DAGLB: variants seen among roughly 807,000 people sequenced by gnomAD.
The protein encoded by DAGLB is diacylglycerol lipase beta, also known as diacylglycerol lipase-beta.
DAGLB carries 66 observed loss-of-function variants against 72.1 expected under a neutral mutation model. The observed-to-expected ratio is 0.92, with a 90% CI of 0.75 to 1.12. The LOEUF (loss-of-function observed/expected upper bound fraction) is 1.12, where lower values mean the gene tolerates loss of function less well. Among genes scored for constraint, DAGLB ranks in the 50% most tolerant of loss-of-function variants. The pLI, the probability that DAGLB is intolerant of heterozygous loss-of-function variation, is 0.00. For synonymous variants in DAGLB, 414 were observed against 359.5 expected, an observed-to-expected ratio of 1.15 and a Z score of -1.71; for missense variants, 1,065 against 884.9, an observed-to-expected ratio of 1.20 and a Z score of -2.58.
chr7:6,423,422 G>A (rs1289870723), intron 8 of DAGLB, among the ~76,000 whole-genome samples: 2 of 148,984 alleles, frequency 1.3e-5, no homozygotes, highest in African/African-American at 5.1e-5. Flanking sequence ...AGAAACCACA[G>A]ACGACGCCAC....
intron 7 of DAGLB, 36 bp from the exon 8 acceptor site, chr7:6,424,871 G>T: frequency 6.2e-7 from 1 of 1,601,766 alleles, no homozygotes; most frequent in East Asian, 2.2e-5. Context: ...GGCCTAAACA[G>T]TGAACACACG....
At chr7:6,444,232 C>T (rs1484502805) in intron 2 of DAGLB, among the ~76,000 whole-genome samples, 1 of 152,178 alleles carries the variant, frequency 6.6e-6, no homozygotes, top group Non-Finnish European at 1.5e-5. Flanking sequence ...ATGATTGCGC[C>T]ACTGCCCTCT....
At chr7:6,425,949 C>G in intron 7 of DAGLB, 39 bp downstream of exon 7, 2 of 1,609,944 alleles carry the variant, frequency 1.2e-6, no homozygotes, top group Non-Finnish European at 1.7e-6. Context: ...GCTCCAGGAC[C>G]CAAAAGAAGT....
At chr7:6,420,210 G>A (rs962927220) in intron 9 of DAGLB, among the ~76,000 whole-genome samples, 2 of 152,062 alleles carry the variant, frequency 1.3e-5, no homozygotes, top group Non-Finnish European at 2.9e-5. Flanking sequence ...GGGAGGCTGA[G>A]GTGGGTGGAT....
At chr7:6,420,437 C>A (rs1784075063) in intron 9 of DAGLB, among the ~76,000 whole-genome samples, 1 of 118,474 alleles carries the variant, frequency 8.4e-6, no homozygotes, top group African/African-American at 4.9e-5. Context: ...AAGACTCCAT[C>A]TCAAAAAAAA....
chr7:6,426,717 G>C (rs898145863), intron 6 of DAGLB, among the ~76,000 whole-genome samples: 1 of 152,192 alleles, frequency 6.6e-6, no homozygotes, highest in African/African-American at 2.4e-5. Context: ...ACAGAAGCAG[G>C]TAAAGCAAAC....
At chr7:6,430,644 G>A (rs62454706) in intron 5 of DAGLB, 37 bp from the exon 6 acceptor site, 3 of 1,519,406 alleles carry the variant, frequency 2.0e-6, no homozygotes, top group South Asian at 1.3e-5. Context: ...TTTATTAAGG[G>A]AACTCCTGAC....
At chr7:6,439,400 T>C (rs1784759214) in intron 2 of DAGLB, among the ~76,000 whole-genome samples, 1 of 152,146 alleles carries the variant, frequency 6.6e-6, no homozygotes, top group African/African-American at 2.4e-5. Flanking sequence ...GCTGCATTCC[T>C]AAATGTAATG....
intron 6 of DAGLB, among the ~76,000 whole-genome samples, chr7:6,427,933 T>C (rs1784362444): frequency 6.6e-6 from 1 of 152,222 alleles, no homozygotes; most frequent in Non-Finnish European, 1.5e-5. Context: ...CAGTCATAAT[T>C]ACAACCCACT....
intron 6 of DAGLB, among the ~76,000 whole-genome samples, chr7:6,427,683 C>T (rs969127678): frequency 2.0e-5 from 3 of 151,852 alleles, no homozygotes; most frequent in African/African-American, 7.3e-5. Context: ...TTTGGGAGAC[C>T]GAGGCAGGTG....
intron 3 of DAGLB, among the ~76,000 whole-genome samples, chr7:6,436,096 A>G (rs1475443243): frequency 1.3e-5 from 2 of 152,132 alleles, no homozygotes; most frequent in Non-Finnish European, 2.9e-5. Flanking sequence ...AAAGAAAAAA[A>G]AAAAAGAGAG....
At chr7:6,415,387 A>T (rs836504) in intron 11 of DAGLB, among the ~76,000 whole-genome samples, 1 of 151,646 alleles carries the variant, frequency 6.6e-6, no homozygotes, top group Admixed American at 6.6e-5. Flanking sequence ...CTTTACGTAC[A>T]TACTTTTTAA....
intron 9 of DAGLB, among the ~76,000 whole-genome samples, chr7:6,420,963 C>CT (rs1784094641): frequency 2.0e-5 from 3 of 152,190 alleles, no homozygotes; most frequent in African/African-American, 7.2e-5. Context: ...CTCTGCTGCT[C>CT]TGAGCTTTGA....
intron 6 of DAGLB, among the ~76,000 whole-genome samples, chr7:6,428,315 C>CAAAA (rs749361631): frequency 9.6e-4 from 73 of 75,974 alleles, no homozygotes; most frequent in African/African-American, 1.1e-3. Context: ...GACTCTGTCT[C>CAAAA]AAAAAAAAAA....
At position 6,421,768 on chromosome 7, in the gene DAGLB, G is replaced by C; in HGVS notation, c.1177C>G (p.Leu393Val). Reference sequence around the variant, plus strand: ...TCCTGCACCTCACACTCCACGTCCAGCACCTCACTCTCCGCTGACAGGTCC... The same window carrying C: ...TCCTGCACCTCACACTCCACGTCCACCACCTCACTCTCCGCTGACAGGTCC... ...LTDLSAESEV[L>V]DVECEVQDRL... Residue 393 changes from leucine to valine, a missense_variant, in exon 9 of 15, where the codon CTG (leucine) becomes GTG (valine). Physicochemically the swap from Leu to Val is conservative, Grantham distance 32. Transcript: ENST00000297056. The C allele has an allele frequency of 6.2e-7, 1 of 1,613,330 alleles. No homozygotes were observed. Among genetic ancestry groups the C allele is most frequent in the Non-Finnish European group, 8.5e-7 (1 of 1,179,666 alleles).
chr7:6,414,220 C>G (rs1783829398), intron 11 of DAGLB, among the ~76,000 whole-genome samples: 1 of 152,004 alleles, frequency 6.6e-6, no homozygotes, highest in Middle Eastern at 3.4e-3. Flanking sequence ...CCGTGTTAGC[C>G]AGGATGGTCT....
chr7:6,410,176 G>A lies in DAGLB; in HGVS notation c.1774C>T (p.Pro592Ser). ...TGCAGGTGGATGATCCTGCCGGGAG[G>A]GTAGAGAGGGGGGTACTTGGGAGAA... ...DSSPKYPPLY[P>S]PGRIIHLQEE... Residue 592 changes from proline (P) to serine (S), a missense_variant, in exon 14 of 15, where the codon CCT becomes TCT. By Grantham distance (74) the Pro-to-Ser change is moderately conservative (BLOSUM62 -1). Transcript: ENST00000297056. 1.3e-6 allele frequency: 2 copies of A among 1,590,240 alleles called. No homozygotes were observed. The highest frequency in any genetic ancestry group is 8.6e-7 in the Non-Finnish European group (1 of 1,165,544).
At chr7:6,447,006 T>C (rs1785028824) in intron 1 of DAGLB, among the ~76,000 whole-genome samples, 1 of 151,802 alleles carries the variant, frequency 6.6e-6, no homozygotes. Context: ...TGAGACCCTG[T>C]CTCAAAAAAA....
Position 6,447,755 on chromosome 7 carries a change from C to G in DAGLB, c.88G>C (p.Val30Leu). ...FPGFFELVVR[V>L]LWWIGILTLY... is the part of the protein sequence containing the mutation. ...CGTAGCCGCCGTCCTTACCACAGCA[C>G]TCGCACGACCAGCTCGAAGAACCCT... is the stretch of plus-strand genomic sequence containing the variant. Residue 30 changes from valine (V) to leucine (L), a missense_variant, in exon 1 of 15, where the codon GTG (valine) becomes CTG (leucine). Transcript: ENST00000297056. 2.5e-6 allele frequency: 4 copies of G among 1,613,364 alleles called. No individual in the cohort carries two copies. The highest frequency in any genetic ancestry group is 3.4e-6 in the Non-Finnish European group (4 of 1,179,706).
Sources: gnomAD v4.1 joint callset for allele counts (sites outside exome capture counted in the v4.1 genomes callset) on GRCh38, gnomAD v4.1.1 for gene constraint, MANE v1.5 for transcripts, NCBI Gene and HGNC (gene_info 2026-07-23, HGNC 2026-07-21) for gene names.